SNX29: variants seen among roughly 807,000 people sequenced by gnomAD.
The protein encoded by SNX29 is sorting nexin-29.
SNX29 carries 78 observed loss-of-function variants against 102.1 expected under a neutral mutation model. The ratio of observed to expected loss-of-function variants is 0.76; its 90% CI spans 0.64 to 0.92. The LOEUF (loss-of-function observed/expected upper bound fraction) is 0.92. Among genes scored for constraint, SNX29 ranks in the 40% least tolerant of loss-of-function variants. SNX29 has a pLI of 0.00. For missense variants in SNX29, 1,280 were observed against 1,061.7 expected (o/e 1.21, Z -2.86); for synonymous variants, 580 against 414.5 (o/e 1.40, Z -4.85).
intron 20 of SNX29, among the ~76,000 whole-genome samples, chr16:12,538,342 G>A (rs184649788): frequency 5.3e-5 from 8 of 152,168 alleles, no homozygotes; most frequent in South Asian, 4.1e-4. Context: ...GGATGGTCTC[G>A]GTCTTCCAAA....
intron 15 of SNX29, among the ~76,000 whole-genome samples, chr16:12,281,580 T>C (rs970693341): frequency 6.6e-6 from 1 of 152,224 alleles, no homozygotes; most frequent in Non-Finnish European, 1.5e-5. Context: ...GCACTAGTAG[T>C]ATCACAGCCC....
At chr16:12,050,772 C>G (rs993972183) in intron 7 of SNX29, among the ~76,000 whole-genome samples, 1 of 151,962 alleles carries the variant, frequency 6.6e-6, no homozygotes, top group Non-Finnish European at 1.5e-5. Flanking sequence ...AGTGCAATGG[C>G]GCAATCTTGG....
chr16:12,249,929 C>G (rs893446205), intron 14 of SNX29, among the ~76,000 whole-genome samples: 1 of 152,200 alleles, frequency 6.6e-6, no homozygotes, highest in African/African-American at 2.4e-5. Context: ...CTGCTAGGTT[C>G]TGTGATACAG....
At chr16:11,985,944 C>T (rs912519008) in intron 1 of SNX29, among the ~76,000 whole-genome samples, 1 of 151,436 alleles carries the variant, frequency 6.6e-6, no homozygotes, top group African/African-American at 2.4e-5. Context: ...GTGATTCTCC[C>T]GCCTCGAGCG....
At chr16:12,427,671 A>G (rs1340805973) in intron 18 of SNX29, among the ~76,000 whole-genome samples, 1 of 152,238 alleles carries the variant, frequency 6.6e-6, no homozygotes, top group Non-Finnish European at 1.5e-5. Context: ...TGCCTGTGCC[A>G]GGACAGGCTG....
chr16:12,087,667 G>C (rs2052274288), intron 11 of SNX29: 1 of 361,002 alleles, frequency 2.8e-6, no homozygotes, highest in Admixed American at 3.7e-5. Context: ...ATGCCTCTCT[G>C]AAGTTATCCT....
intron 16 of SNX29, among the ~76,000 whole-genome samples, chr16:12,363,189 C>T (rs947138064): frequency 1.3e-5 from 2 of 152,230 alleles, no homozygotes; most frequent in African/African-American, 2.4e-5. Context: ...AGGGGATACC[C>T]CATTATTGCC....
intron 4 of SNX29, among the ~76,000 whole-genome samples, chr16:12,028,535 T>C (rs1411435715): frequency 6.6e-6 from 1 of 151,956 alleles, no homozygotes; most frequent in African/African-American, 2.4e-5. Context: ...GGCTGGTTTT[T>C]AAACTTTTAT....
At chr16:12,566,221 G>A (rs1453214691) in intron 20 of SNX29, among the ~76,000 whole-genome samples, 3 of 152,200 alleles carry the variant, frequency 2.0e-5, no homozygotes, top group South Asian at 2.1e-4. Context: ...TATGCTTATG[G>A]TTGTCATCCC....
At chr16:12,019,750 G>C (rs922871306) in intron 3 of SNX29, among the ~76,000 whole-genome samples, 24 of 150,032 alleles carry the variant, frequency 1.6e-4, no homozygotes, top group African/African-American at 5.6e-4. Flanking sequence ...GATTCTCTTG[G>C]CTCAGCCTCC....
At chr16:12,541,259 G>T (rs998796808) in intron 20 of SNX29, among the ~76,000 whole-genome samples, 2 of 152,142 alleles carry the variant, frequency 1.3e-5, no homozygotes, top group African/African-American at 4.8e-5. Flanking sequence ...TCTTATCAGG[G>T]AGAGAATGAC....
intron 14 of SNX29, among the ~76,000 whole-genome samples, chr16:12,230,848 A>G (rs200593320): frequency 1.4e-5 from 2 of 146,942 alleles, no homozygotes; most frequent in Non-Finnish European, 3.0e-5. Flanking sequence ...ATGTATGTAT[A>G]TATGTATGTA....
chr16:12,077,767 T>C (rs941442299), intron 10 of SNX29, among the ~76,000 whole-genome samples: 8 of 152,092 alleles, frequency 5.3e-5, no homozygotes, highest in Middle Eastern at 6.3e-3. Context: ...ATTACAGGCA[T>C]GTGCTACCAC....
intron 15 of SNX29, among the ~76,000 whole-genome samples, chr16:12,327,867 A>C (rs1567442571): frequency 6.6e-6 from 1 of 152,094 alleles, no homozygotes; most frequent in South Asian, 2.1e-4. Flanking sequence ...GCATCATTCT[A>C]CTGAGGGCCA....
intron 13 of SNX29, among the ~76,000 whole-genome samples, chr16:12,157,957 T>G (rs1240689792): frequency 6.6e-6 from 1 of 152,232 alleles, no homozygotes; most frequent in Non-Finnish European, 1.5e-5. Context: ...TCATCCTTTG[T>G]GTTTTCCCAG....
intron 16 of SNX29, among the ~76,000 whole-genome samples, chr16:12,379,347 C>G (rs2082994525): frequency 6.6e-6 from 1 of 152,168 alleles, no homozygotes; most frequent in African/African-American, 2.4e-5. Context: ...ATCTTTAACT[C>G]CTGGGCTTAA....
intron 1 of SNX29, among the ~76,000 whole-genome samples, chr16:11,997,823 C>T (rs2056142295): frequency 6.6e-6 from 1 of 152,122 alleles, no homozygotes; most frequent in Non-Finnish European, 1.5e-5. Context: ...TCTTTTACAC[C>T]ATTTAACTCC....
chr16:12,424,501 T>G (rs1336008955), intron 18 of SNX29, among the ~76,000 whole-genome samples: 1 of 152,178 alleles, frequency 6.6e-6, no homozygotes, highest in Non-Finnish European at 1.5e-5. Context: ...AGCAACCTGC[T>G]TTGAGAGAGC....
intron 20 of SNX29, among the ~76,000 whole-genome samples, chr16:12,549,115 C>T (rs1247179133): frequency 6.6e-6 from 1 of 152,166 alleles, no homozygotes; most frequent in South Asian, 2.1e-4. Flanking sequence ...GGGGACATAG[C>T]AGATGGAAAA....
Sources: gnomAD v4.1 joint callset for allele counts (sites outside exome capture counted in the v4.1 genomes callset) on GRCh38, gnomAD v4.1.1 for gene constraint, MANE v1.5 for transcripts, NCBI Gene and HGNC (gene_info 2026-07-23, HGNC 2026-07-21) for gene names.